The following E2F7 variants were observed in gnomAD, a reference collection of about 807,000 sequenced individuals.
The protein encoded by E2F7 is E2F transcription factor 7.
E2F7 carries 35 observed loss-of-function variants against 81.1 expected under a neutral mutation model. The ratio of observed to expected loss-of-function variants is 0.43; its 90% CI spans 0.33 to 0.57. E2F7 has a LOEUF of 0.57. Ranked by LOEUF, E2F7 falls within the 20% of genes least tolerant of loss-of-function variation. The probability of loss-of-function intolerance (pLI) is 0.04; values close to 1 mark genes in which losing one functional copy is unlikely to be tolerated. For missense variants in E2F7, 961 were observed against 1,093.7 expected, an observed-to-expected ratio of 0.88 and a Z score of 1.71; for synonymous variants, 416 against 416.2, an observed-to-expected ratio of 1.00 and a Z score of 0.01.
chr12:77,044,856 T>C, intron 5 of E2F7, 61 bp from the exon 6 acceptor site: 2 of 1,565,656 alleles, frequency 1.3e-6, no homozygotes, highest in Non-Finnish European at 1.7e-6. Flanking sequence ...AAGACTATAC[T>C]TGCAGCTTGC....
intron 5 of E2F7, chr12:77,045,605 G>A (rs1051785557): frequency 1.3e-5 from 2 of 158,512 alleles, no homozygotes; most frequent in Admixed American, 1.2e-4. Flanking sequence ...TGCACCAAAT[G>A]AAAGCAGAGG....
In E2F7 at chr12:77,043,096, CT is replaced by C; in HGVS notation, c.1091del (p.Lys364SerfsTer26). 1 of 1,614,180 alleles carries C rather than the reference CT, an allele frequency of 6.2e-7. No homozygotes were observed. Among genetic ancestry groups the C allele is most frequent in the Non-Finnish European group, 8.5e-7 (1 of 1,180,008 alleles). On this transcript the variant is annotated frameshift_variant, in exon 7 of 13. Transcript: ENST00000322886. LOFTEE classifies it high-confidence loss of function. ...TEERGRKPAF[K>X]WIGPVDFSSS... ...AGCTGAAGTCCACAGGCCCGATCCA[CT>C]TGAAGGCTGGTTTACGACCTCGCTC... is the stretch of plus-strand genomic sequence containing the variant.
At chr12:77,060,623 C>T (rs1955070247) in intron 2 of E2F7, among the ~76,000 whole-genome samples, 1 of 88,252 alleles carries the variant, frequency 1.1e-5, no homozygotes, top group African/African-American at 3.7e-5. Context: ...TCAAACCTGC[C>T]CTGCACTTTG....
intron 11 of E2F7, among the ~76,000 whole-genome samples, chr12:77,026,531 G>A (rs971597140): frequency 6.6e-6 from 1 of 151,942 alleles, no homozygotes; most frequent in African/African-American, 2.4e-5. Flanking sequence ...CAAACTCCTG[G>A]GCTCAAGTGA....
chr12:77,032,737 T>C (rs977836879), intron 9 of E2F7, among the ~76,000 whole-genome samples: 1 of 152,172 alleles, frequency 6.6e-6, no homozygotes, highest in Non-Finnish European at 1.5e-5. Flanking sequence ...ACTATGATAA[T>C]GATGAAGTGA....
chr12:77,058,603 C>A (rs936100090), intron 2 of E2F7, among the ~76,000 whole-genome samples: 3 of 152,150 alleles, frequency 2.0e-5, no homozygotes, highest in African/African-American at 7.2e-5. Flanking sequence ...AGTTAACCTA[C>A]CCCTGCTGCT....
chr12:77,028,192 ATC>A (rs59593386), intron 10 of E2F7, 54 bp from the exon 11 acceptor site: 23 of 1,560,346 alleles, frequency 1.5e-5, no homozygotes, highest in Non-Finnish European at 1.5e-5. Context: ...CCAGTAGTAA[ATC>A]TCTCTTTTTT....
intron 2 of E2F7, among the ~76,000 whole-genome samples, chr12:77,062,595 T>A: frequency 8.7e-6 from 1 of 114,654 alleles, no homozygotes; most frequent in Non-Finnish European, 1.8e-5. Context: ...GTCACTTGAG[T>A]TTTTTTTCCC....
At chr12:77,063,648 C>T (rs1432885321) in intron 2 of E2F7, among the ~76,000 whole-genome samples, 1 of 151,612 alleles carries the variant, frequency 6.6e-6, no homozygotes. Context: ...ATCAAAATGC[C>T]GGACAAAAAA....
intron 2 of E2F7, among the ~76,000 whole-genome samples, chr12:77,056,999 GCCTTA>G (rs1955038917): frequency 6.7e-6 from 1 of 150,028 alleles, no homozygotes; most frequent in Non-Finnish European, 1.5e-5. Flanking sequence ...CAATCTTCTC[GCCTTA>G]GCCTCCCAAG....
intron 7 of E2F7, among the ~76,000 whole-genome samples, chr12:77,040,950 A>G (rs1158636151): frequency 6.6e-6 from 1 of 152,230 alleles, no homozygotes; most frequent in Non-Finnish European, 1.5e-5. Flanking sequence ...AGGAATTGCT[A>G]GCCAAGGGGT....
Position 77,027,931 on chromosome 12 carries a change from T to G in E2F7, c.2092A>C (p.Thr698Pro). Residue 698 changes from threonine to proline, a missense_variant, in exon 11 of 13, where the codon ACC (threonine) becomes CCC (proline). Coordinates refer to ENST00000322886, the MANE Select transcript of E2F7 (RefSeq NM_203394.3). ...TATTGTAGCAAAGAAGGCTCTTTGG[T>G]GCTTTCATTTTCTTTTGAAGGCTTT... ...VEKPSKENES[T>P]KEPSLLQYLC... The G allele has an allele frequency of 6.2e-7, 1 of 1,614,186 alleles. No homozygotes were observed. Among genetic ancestry groups the G allele is most frequent in the Non-Finnish European group, 8.5e-7 (1 of 1,180,040 alleles).
At position 77,025,738 on chromosome 12, in the gene E2F7, G is replaced by A. The variant is rs375962943; in HGVS notation, c.2385C>T (p.Leu795=). The part of the protein sequence containing the change: ...LPGLGSIAQL[L]VGPTAVVNPK... ...GATTAACCACAGCTGTGGGGCCGAC[G>A]AGAAGCTGGGCTATTGATCCAAGGC... The change falls in exon 12 of 13, where the codon CTC becomes CTT. Residue 795 remains leucine, a synonymous_variant. Transcript: ENST00000322886. The A allele has an allele frequency of 6.8e-6, 11 of 1,614,138 alleles. No homozygotes were observed. In the Admixed American group the frequency reaches 1.2e-4, roughly 17 times the overall value.
intron 2 of E2F7, among the ~76,000 whole-genome samples, chr12:77,061,791 G>A (rs766530314): frequency 3.9e-5 from 6 of 152,136 alleles, no homozygotes; most frequent in Non-Finnish European, 5.9e-5. Context: ...AGCACCACTA[G>A]CTTCCAGCCA....
Position 77,023,263 on chromosome 12 carries a change from G to C in E2F7, c.*752C>G, listed in dbSNP as rs1467959370. ...CAGTTATTTGAGAAGCAGCAGTTAG[G>C]CTGCTAGAGTTCTAGAGTTCATCTT... On this transcript the variant is annotated 3_prime_UTR_variant, in exon 13 of 13. Coordinates refer to ENST00000322886, the MANE Select transcript of E2F7 (RefSeq NM_203394.3). 1 of 152,784 alleles carries C rather than the reference G, an allele frequency of 6.5e-6. No homozygotes were observed. Among genetic ancestry groups the C allele is most frequent in the East Asian group, 1.9e-4 (1 of 5,186 alleles). 9.5% of individuals were successfully genotyped at this position (152,784 alleles called of 1,614,324 possible).
intron 7 of E2F7, among the ~76,000 whole-genome samples, chr12:77,039,206 C>T (rs1243147705): frequency 6.6e-6 from 1 of 152,180 alleles, no homozygotes; most frequent in Non-Finnish European, 1.5e-5. Context: ...CCCCATTGAT[C>T]CATACCTCAC....
intron 2 of E2F7, among the ~76,000 whole-genome samples, chr12:77,062,593 AG>A: frequency 6.8e-6 from 1 of 147,146 alleles, no homozygotes; most frequent in Non-Finnish European, 1.5e-5. Context: ...AAGTCACTTG[AG>A]TTTTTTTTCC....
intron 3 of E2F7, among the ~76,000 whole-genome samples, chr12:77,053,138 T>C (rs1177082608): frequency 6.6e-6 from 1 of 152,210 alleles, no homozygotes; most frequent in Non-Finnish European, 1.5e-5. Flanking sequence ...ACGTAGCACC[T>C]ATACTAGTAG....
intron 7 of E2F7, among the ~76,000 whole-genome samples, 184 bp downstream of exon 7, chr12:77,042,881 T>A (rs1361555902): frequency 6.6e-6 from 1 of 152,202 alleles, no homozygotes; most frequent in African/African-American, 2.4e-5. Context: ...TCCTACCATG[T>A]GTGGGCAAAC....
Sources: allele counts gnomAD v4.1 joint callset (sites outside exome capture counted in the v4.1 genomes callset), GRCh38; gene constraint gnomAD v4.1.1; transcripts MANE v1.5; gene names NCBI Gene and HGNC (gene_info 2026-07-23, HGNC 2026-07-21).